The following CERS4 variants were observed in gnomAD, a reference collection of about 807,000 sequenced individuals.
CERS4 encodes ceramide synthase 4.
In CERS4, 65 loss-of-function variants were observed where a neutral mutation model predicts 51.8. The observed-to-expected ratio is 1.26, with a 90% CI of 1.03 to 1.54. CERS4 has a LOEUF of 1.54. Ranked by LOEUF, CERS4 falls within the 40% of genes most tolerant of loss-of-function variation. CERS4 has a pLI of 0.00. For synonymous variants in CERS4, 228 were observed against 208.4 expected (o/e 1.09, Z -0.81); for missense variants, 563 against 500.4 (o/e 1.13, Z -1.19).
intron 2 of CERS4, among the ~76,000 whole-genome samples, chr19:8,235,852 T>C (rs897867334): frequency 6.6e-6 from 1 of 151,600 alleles, no homozygotes; most frequent in Non-Finnish European, 1.5e-5. Context: ...GCTGTGATCG[T>C]GCCACTGTAG....
At position 8,255,925 on chromosome 19, in the gene CERS4, C is replaced by G. The variant is rs761460512; in HGVS notation, c.468+46C>G. ...CTGACTGCTCACCTGCCCCATCCAC[C>G]TGGCCTAGATCTGGCAGGAGTGGGG... On this transcript the variant is annotated intron_variant, in intron 6 of 11. Coordinates refer to ENST00000251363, the MANE Select transcript of CERS4 (RefSeq NM_024552.3). 3 of 1,598,146 alleles carry G rather than the reference C, an allele frequency of 1.9e-6. No individual in the cohort carries two copies. In the Admixed American group the frequency reaches 5.0e-5, roughly 27 times the overall value.
chr19:8,259,499 G>GT (rs1241526951), intron 10 of CERS4, among the ~76,000 whole-genome samples: 6 of 152,186 alleles, frequency 3.9e-5, no homozygotes, highest in Non-Finnish European at 7.4e-5. Context: ...ATAAGCAGAG[G>GT]GATTCAATCT....
At chr19:8,243,915 C>G (rs1599561143) in intron 2 of CERS4, among the ~76,000 whole-genome samples, 1 of 152,290 alleles carries the variant, frequency 6.6e-6, no homozygotes, top group African/African-American at 2.4e-5. Context: ...CTCATCCATT[C>G]TGGTTCATCC....
intron 2 of CERS4, among the ~76,000 whole-genome samples, chr19:8,228,495 C>T (rs1414461982): frequency 2.7e-5 from 4 of 150,838 alleles, no homozygotes; most frequent in African/African-American, 7.3e-5. Flanking sequence ...GCCAGCATGG[C>T]GAAACCCCAT....
In CERS4 at chr19:8,217,606, G is replaced by A. The variant is rs189417114; in HGVS notation, c.-2+6744G>A. Reference sequence around the variant, plus strand: ...GGCTGGAGTGCAGTGACTCCATCTCGGCTCACTGCAAGCTCCGCCTCCCGG... The same window carrying A: ...GGCTGGAGTGCAGTGACTCCATCTCAGCTCACTGCAAGCTCCGCCTCCCGG... On this transcript the variant is annotated intron_variant, in intron 2 of 11. Transcript: ENST00000251363. 3.4e-4 allele frequency among the ~76,000 whole-genome samples: 50 copies of A among 149,060 alleles called. No individual in the cohort carries two copies. In the East Asian group the frequency reaches 9.5e-3, roughly 28 times the overall value.
At chr19:8,252,369 T>TAAA (rs57107362) in intron 3 of CERS4, among the ~76,000 whole-genome samples, 3,793 of 144,380 alleles carry the variant, frequency 0.026, 158 homozygotes, top group African/African-American at 0.09. Context: ...AAACTCCATC[T>TAAA]AAAAAAAAAA....
Position 8,262,291 on chromosome 19 carries a change from T to C in CERS4, c.*182T>C, listed in dbSNP as rs535692081. The C allele has an allele frequency of 6.5e-4, 360 of 555,004 alleles. No individual in the cohort carries two copies. Among genetic ancestry groups the C allele is most frequent in the Non-Finnish European group, 9.1e-4 (321 of 353,008 alleles). The allele number at this position is 555,004 out of a possible 1,614,324, so 34.4% of individuals were successfully genotyped here. ...TCTGCCCACCCACCCTTCTTCCCTC[T>C]GGGCAACTGGACAGATCTGGGAGCC... On this transcript the variant is annotated 3_prime_UTR_variant, in exon 12 of 12. Transcript: ENST00000251363.
chr19:8,259,617 G>A (rs1969574459), intron 10 of CERS4, among the ~76,000 whole-genome samples: 1 of 152,150 alleles, frequency 6.6e-6, no homozygotes, highest in Non-Finnish European at 1.5e-5. Context: ...GCAGACTTAA[G>A]GGGATGCCTC....
chr19:8,231,376 A>G (rs917110281), intron 2 of CERS4, among the ~76,000 whole-genome samples: 1 of 152,148 alleles, frequency 6.6e-6, no homozygotes, highest in African/African-American at 2.4e-5. Context: ...GGCTGGACTC[A>G]GACTCCAAAG....
At chr19:8,234,782 G>T (rs1968167113) in intron 2 of CERS4, among the ~76,000 whole-genome samples, 1 of 151,476 alleles carries the variant, frequency 6.6e-6, no homozygotes, top group South Asian at 2.1e-4. Context: ...TCGAACTCCT[G>T]ACCTCAGGTG....
chr19:8,235,253 C>T (rs181448221), intron 2 of CERS4, among the ~76,000 whole-genome samples: 665 of 151,140 alleles, frequency 4.4e-3, no homozygotes, highest in Non-Finnish European at 6.2e-3. Flanking sequence ...GTGATCTGCC[C>T]CCCTCAGCCT....
chr19:8,226,451 G>A (rs928716961), intron 2 of CERS4, among the ~76,000 whole-genome samples: 2 of 152,106 alleles, frequency 1.3e-5, no homozygotes, highest in Non-Finnish European at 2.9e-5. Flanking sequence ...TGTCACCAGG[G>A]AGCAGCACAG....
At chr19:8,249,006 CAGATGTTT>C (rs1385170183) in intron 2 of CERS4, among the ~76,000 whole-genome samples, 1 of 134,868 alleles carries the variant, frequency 7.4e-6, no homozygotes, top group African/African-American at 2.8e-5. Context: ...GGTGGATGGA[CAGATGTTT>C]GGATGGGTGG....
intron 2 of CERS4, among the ~76,000 whole-genome samples, chr19:8,250,049 A>G (rs954065348): frequency 2.6e-5 from 4 of 151,548 alleles, no homozygotes; most frequent in Non-Finnish European, 5.9e-5. Flanking sequence ...ATCTCGGCTC[A>G]CTGCAACCTC....
At chr19:8,258,634 G>A (rs935872516) in intron 10 of CERS4, among the ~76,000 whole-genome samples, 1 of 152,084 alleles carries the variant, frequency 6.6e-6, no homozygotes, top group Non-Finnish European at 1.5e-5. Flanking sequence ...CACGAGGTCA[G>A]GAGTTTGACA....
intron 3 of CERS4, 65 bp from the exon 4 acceptor site, chr19:8,254,434 C>A: frequency 6.7e-7 from 1 of 1,482,708 alleles, no homozygotes; most frequent in Non-Finnish European, 9.4e-7. Flanking sequence ...AGCATGTCTG[C>A]CCCCACACAC....
intron 2 of CERS4, among the ~76,000 whole-genome samples, chr19:8,248,945 G>C (rs988150202): frequency 6.6e-6 from 1 of 150,978 alleles, no homozygotes; most frequent in Non-Finnish European, 1.5e-5. Context: ...GGTGGATGAT[G>C]GATAATGGGT....
At chr19:8,260,701 G>T (rs1336128498) in intron 10 of CERS4, among the ~76,000 whole-genome samples, 1 of 151,656 alleles carries the variant, frequency 6.6e-6, no homozygotes, top group East Asian at 2.0e-4. Context: ...TGTAATCCCA[G>T]CACTTTGGGA....
chr19:8,245,667 G>A (rs1489433170), intron 2 of CERS4, among the ~76,000 whole-genome samples: 1 of 151,908 alleles, frequency 6.6e-6, no homozygotes, highest in East Asian at 1.9e-4. Flanking sequence ...AGCCTCCTGA[G>A]TAGCTGGGAT....
Sources: gnomAD v4.1 joint callset for allele counts (sites outside exome capture counted in the v4.1 genomes callset) on GRCh38, gnomAD v4.1.1 for gene constraint, MANE v1.5 for transcripts, NCBI Gene and HGNC (gene_info 2026-07-23, HGNC 2026-07-21) for gene names.